The following RAPGEF1 variants were observed in gnomAD, a reference collection of about 807,000 sequenced individuals.
RAPGEF1 encodes CRK SH3-binding GNRP.
Under a neutral mutation model 143.3 loss-of-function variants are expected in RAPGEF1, and 33 were observed. The ratio of observed to expected loss-of-function variants is 0.23; its 90% CI spans 0.17 to 0.31. RAPGEF1 has a LOEUF of 0.31. Ranked by LOEUF, RAPGEF1 falls within the 10% of genes least tolerant of loss-of-function variation. The probability of loss-of-function intolerance (pLI) is 1.00; values close to 1 mark genes in which losing one functional copy is unlikely to be tolerated. For synonymous variants in RAPGEF1, 629 were observed against 676.5 expected (o/e 0.93, Z 1.09); for missense variants, 1,199 against 1,645.4 (o/e 0.73, Z 4.69).
chr9:131,619,193 G>A lies in RAPGEF1; in HGVS notation c.1919C>T (p.Ala640Val). Reference sequence around the variant, plus strand: ...GTGGGAGACAGAGGAGAAGGAAGAAGCAGCACAGGAGGCCTGCTGGACAGA... The same window carrying A: ...GTGGGAGACAGAGGAGAAGGAAGAAACAGCACAGGAGGCCTGCTGGACAGA... ...PKQRQLASCA[A>V]SSFSSVSHCV... Residue 640 changes from alanine (A) to valine (V), a missense_variant, in exon 12 of 27, where the codon GCT becomes GTT. Ala to Val is a moderately conservative substitution (Grantham distance 64). Around this residue, in one of 6 missense-constraint regions of RAPGEF1, gnomAD observed 293 missense variants for 356.2 expected, o/e 0.82. Coordinates refer to ENST00000683357, the MANE Select transcript of RAPGEF1 (RefSeq NM_001377935.1). The A allele has an allele frequency of 7.7e-7, 1 of 1,305,440 alleles. No individual in the cohort carries two copies. Among genetic ancestry groups the A allele is most frequent in the African/African-American group, 1.5e-5 (1 of 66,044 alleles). 80.9% of individuals were successfully genotyped at this position (1,305,440 alleles called of 1,614,324 possible).
chr9:131,631,855 C>A (rs1461809115), intron 5 of RAPGEF1, among the ~76,000 whole-genome samples: 1 of 152,224 alleles, frequency 6.6e-6, no homozygotes, highest in African/African-American at 2.4e-5. Flanking sequence ...ATAAGACATT[C>A]ACCACCTTGG....
chr9:131,714,551 G>GCCAAGCAC (rs1349620851), intron 1 of RAPGEF1, among the ~76,000 whole-genome samples: 1 of 152,084 alleles, frequency 6.6e-6, no homozygotes, highest in Non-Finnish European at 1.5e-5. Context: ...ACGAGGAAGC[G>GCCAAGCAC]CCAAGCACTG....
intron 3 of RAPGEF1, among the ~76,000 whole-genome samples, chr9:131,649,200 A>AT (rs55813422): frequency 0.2 from 17,369 of 87,204 alleles, 2,565 homozygotes; most frequent in Non-Finnish European, 0.25. Context: ...GCCTGGCTAA[A>AT]TTTTTTTTTT....
intron 1 of RAPGEF1, among the ~76,000 whole-genome samples, chr9:131,669,068 G>A (rs1830917298): frequency 6.6e-6 from 1 of 152,232 alleles, no homozygotes; most frequent in African/African-American, 2.4e-5. Flanking sequence ...CTGGGGGCAG[G>A]AAGGCCTGTC....
chr9:131,637,167 G>T (rs1002758222), intron 5 of RAPGEF1, among the ~76,000 whole-genome samples: 6 of 151,848 alleles, frequency 4.0e-5, no homozygotes, highest in Non-Finnish European at 8.8e-5. Flanking sequence ...AGAGGTTGCA[G>T]TGAGCCGAGA....
intron 15 of RAPGEF1, among the ~76,000 whole-genome samples, chr9:131,599,844 G>A (rs138673589): frequency 6.6e-4 from 101 of 152,198 alleles, no homozygotes; most frequent in Admixed American, 1.0e-3. Flanking sequence ...TAGGCCAAAC[G>A]TGGTGGCTCA....
intron 15 of RAPGEF1, among the ~76,000 whole-genome samples, chr9:131,599,342 G>A (rs1234112710): frequency 6.7e-6 from 1 of 150,258 alleles, no homozygotes; most frequent in Non-Finnish European, 1.5e-5. Context: ...GGCTGGTCTT[G>A]ATCTCCTGAC....
intron 1 of RAPGEF1, among the ~76,000 whole-genome samples, chr9:131,731,604 C>G (rs913473959): frequency 6.6e-6 from 1 of 152,166 alleles, no homozygotes; most frequent in African/African-American, 2.4e-5. Context: ...CAGTGTGTGG[C>G]TGGGAATCGC....
intron 12 of RAPGEF1, among the ~76,000 whole-genome samples, chr9:131,609,581 CAG>C (rs1957683724): frequency 1.3e-5 from 2 of 152,138 alleles, no homozygotes; most frequent in Admixed American, 1.3e-4. Context: ...GTGCACTGGC[CAG>C]AGTGTGGCAG....
chr9:131,624,002 T>C (rs1332464121), intron 10 of RAPGEF1, among the ~76,000 whole-genome samples: 1 of 152,102 alleles, frequency 6.6e-6, no homozygotes, highest in Non-Finnish European at 1.5e-5. Flanking sequence ...TGCCTAAGTT[T>C]GGGGCTCTTT....
intron 1 of RAPGEF1, among the ~76,000 whole-genome samples, chr9:131,692,054 C>G (rs1209177794): frequency 1.3e-5 from 2 of 152,210 alleles, no homozygotes; most frequent in Non-Finnish European, 2.9e-5. Context: ...AGTCTGCTCT[C>G]ATAACAGAAT....
intron 22 of RAPGEF1, among the ~76,000 whole-genome samples, chr9:131,585,632 A>G (rs1428113578): frequency 6.6e-6 from 1 of 152,218 alleles, no homozygotes; most frequent in Admixed American, 6.5e-5. Flanking sequence ...CTGGACTGCC[A>G]TAGCTAAACA....
At chr9:131,662,984 G>T (rs1440113512) in intron 1 of RAPGEF1, among the ~76,000 whole-genome samples, 1 of 150,440 alleles carries the variant, frequency 6.6e-6, no homozygotes. Flanking sequence ...GTTGTATTCT[G>T]GAAAAAAAAA....
At chr9:131,732,555 C>T (rs942619559) in intron 1 of RAPGEF1, among the ~76,000 whole-genome samples, 1 of 152,172 alleles carries the variant, frequency 6.6e-6, no homozygotes, top group Non-Finnish European at 1.5e-5. Flanking sequence ...GGCGTTCTCC[C>T]AGTGGTGTTC....
At chr9:131,643,813 A>G (rs1968751766) in intron 3 of RAPGEF1, among the ~76,000 whole-genome samples, 1 of 152,182 alleles carries the variant, frequency 6.6e-6, no homozygotes. Flanking sequence ...TATCCTGTAA[A>G]TCACATCAAG....
chr9:131,628,599 T>C lies in RAPGEF1; in HGVS notation c.967A>G (p.Met323Val). The change falls in exon 8 of 27, where the codon ATG (methionine) becomes GTG (valine). Residue 323 changes from methionine (M) to valine (V), a missense_variant. By Grantham distance (21) the Met-to-Val change is conservative (BLOSUM62 1). This residue lies in a region of RAPGEF1 where 613 missense variants were observed against 710.9 expected (regional missense o/e 0.86). Transcript: ENST00000683357. This position sits in a 1 kb window ranked among gnomAD's most constrained non-coding sequence, Gnocchi z 5.7. ...CTGGAGCCACTGGTGGCTCGGCTCA[T>C]GGGGGCCACCACAGCCACTCGGGTA... ...SPTRVAVVAP[M>V]SRATSGSSLP... is the part of the protein sequence containing the mutation. 1 of 1,613,068 alleles carries C rather than the reference T, an allele frequency of 6.2e-7. No homozygotes were observed. Among genetic ancestry groups the C allele is most frequent in the Non-Finnish European group, 8.5e-7 (1 of 1,179,174 alleles).
chr9:131,581,153 C>A (rs79973933), intron 25 of RAPGEF1, among the ~76,000 whole-genome samples: 1 of 147,188 alleles, frequency 6.8e-6, no homozygotes, highest in African/African-American at 2.5e-5. Flanking sequence ...GTAACAAGAA[C>A]GTAACTCTGT....
At chr9:131,707,204 T>G (rs2131175162) in intron 1 of RAPGEF1, among the ~76,000 whole-genome samples, 1 of 152,360 alleles carries the variant, frequency 6.6e-6, no homozygotes, top group East Asian at 1.9e-4. Context: ...GTACCGCATC[T>G]TGGTCTGCTT....
In RAPGEF1 at chr9:131,667,306, C is replaced by T. The variant is rs958481662; in HGVS notation, c.62-16357G>A. Among the ~76,000 whole-genome samples the T allele has an allele frequency of 1.3e-5, 2 of 152,158 alleles. No individual in the cohort carries two copies. The highest frequency in any genetic ancestry group is 4.8e-5 in the African/African-American group (2 of 41,444). On this transcript the variant is annotated intron_variant, in intron 1 of 26. Transcript: ENST00000683357. The surrounding 1 kb of genome is among the most constrained non-coding windows in gnomAD (Gnocchi z 4.6). Reference sequence around the variant, plus strand: ...GCGCCCAGCCAAGGCATTCTTATTACCACTCAACAGATGAGGAGACCGAGT... The same window carrying T: ...GCGCCCAGCCAAGGCATTCTTATTATCACTCAACAGATGAGGAGACCGAGT...
Sources: allele counts gnomAD v4.1 joint callset (sites outside exome capture counted in the v4.1 genomes callset), GRCh38; gene constraint gnomAD v4.1.1; regional missense constraint gnomAD v4.1.1; non-coding constraint Gnocchi (gnomAD v3.1); transcripts MANE v1.5; gene names NCBI Gene and HGNC (gene_info 2026-07-23, HGNC 2026-07-21).